The following GRXCR1 variants were observed in gnomAD, a reference collection of about 807,000 sequenced individuals.
GRXCR1 encodes glutaredoxin domain-containing cysteine-rich protein 1.
A neutral mutation model predicts 27.3 loss-of-function variants in GRXCR1; 27 were observed. The observed-to-expected ratio is 0.99, with a 90% confidence interval of 0.73 to 1.37. GRXCR1 has a LOEUF of 1.37. Ranked by LOEUF, GRXCR1 falls within the 40% of genes most tolerant of loss-of-function variation. The pLI, the probability that GRXCR1 is intolerant of heterozygous loss-of-function variation, is 0.00. For missense variants in GRXCR1, 379 were observed against 354.4 expected (o/e 1.07, Z -0.56); for synonymous variants, 122 against 131.1 (o/e 0.93, Z 0.47).
chr4:42,981,042 A>G (rs942607126), intron 2 of GRXCR1, among the ~76,000 whole-genome samples: 3 of 151,698 alleles, frequency 2.0e-5, no homozygotes, highest in Non-Finnish European at 4.4e-5. Flanking sequence ...TTATTGATAG[A>G]TAATACTACT....
intron 1 of GRXCR1, among the ~76,000 whole-genome samples, chr4:42,922,322 C>A (rs538408511): frequency 1.3e-5 from 2 of 152,172 alleles, no homozygotes; most frequent in East Asian, 1.9e-4. Context: ...GTCTGTCTCA[C>A]ACTAACCGTG....
intron 1 of GRXCR1, among the ~76,000 whole-genome samples, chr4:42,911,417 T>A (rs899832977): frequency 2.6e-5 from 4 of 152,002 alleles, no homozygotes; most frequent in African/African-American, 7.2e-5. Context: ...TCAGTAGAGA[T>A]AAGACACACA....
intron 2 of GRXCR1, among the ~76,000 whole-genome samples, chr4:43,010,229 C>A (rs1047266064): frequency 2.0e-5 from 3 of 152,024 alleles, no homozygotes; most frequent in Admixed American, 6.6e-5. Flanking sequence ...TGGTGAAACC[C>A]TGCCTCTACT....
intron 1 of GRXCR1, among the ~76,000 whole-genome samples, chr4:42,941,798 G>T (rs181120445): frequency 2.7e-4 from 41 of 152,066 alleles, no homozygotes; most frequent in African/African-American, 8.9e-4. Flanking sequence ...CTTATGATAC[G>T]TATCAATGAG....
intron 1 of GRXCR1, among the ~76,000 whole-genome samples, chr4:42,901,953 C>T (rs1003684064): frequency 1.3e-5 from 2 of 152,162 alleles, no homozygotes; most frequent in East Asian, 3.9e-4. Context: ...CTCTTAGATA[C>T]CTTTCCTGTG....
intron 1 of GRXCR1, among the ~76,000 whole-genome samples, chr4:42,934,221 A>G (rs1747400643): frequency 7.4e-6 from 1 of 134,246 alleles, no homozygotes; most frequent in South Asian, 2.5e-4. Context: ...TATAACTGTT[A>G]TATGTGTATG....
intron 2 of GRXCR1, among the ~76,000 whole-genome samples, chr4:43,013,654 T>TA (rs1049720879): frequency 1.2e-4 from 19 of 152,038 alleles, no homozygotes; most frequent in African/African-American, 4.1e-4. Context: ...ACAAAAAAAG[T>TA]AAAAAATAAA....
At chr4:42,919,729 G>A (rs901951577) in intron 1 of GRXCR1, among the ~76,000 whole-genome samples, 5 of 152,192 alleles carry the variant, frequency 3.3e-5, no homozygotes, top group Admixed American at 6.5e-5. Context: ...TCCAGGAAAT[G>A]TGTTACATGC....
At chr4:42,973,589 CTT>C (rs771770232) in intron 2 of GRXCR1, among the ~76,000 whole-genome samples, 13 of 151,932 alleles carry the variant, frequency 8.6e-5, no homozygotes, top group South Asian at 2.1e-4. Context: ...ACTCAGTTTT[CTT>C]TGACTCCACC....
intron 2 of GRXCR1, among the ~76,000 whole-genome samples, chr4:43,007,774 C>T (rs924574609): frequency 6.6e-6 from 1 of 152,200 alleles, no homozygotes; most frequent in Non-Finnish European, 1.5e-5. Context: ...TTAGTAGCTA[C>T]ATGCTTTAGC....
At chr4:42,896,993 C>T (rs1244429049) in intron 1 of GRXCR1, among the ~76,000 whole-genome samples, 2 of 152,074 alleles carry the variant, frequency 1.3e-5, no homozygotes. Flanking sequence ...CTTTTTAATA[C>T]TCTTTAAGAA....
chr4:42,960,068 A>G lies in GRXCR1; in HGVS notation c.385-2824A>G, dbSNP rs534947306. Among the ~76,000 whole-genome samples the G allele has an allele frequency of 2.6e-5, 4 of 152,094 alleles. No individual in the cohort carries two copies. In the East Asian group the frequency reaches 7.8e-4, roughly 29 times the overall value. ...CATCTTATTAGTATTTTGAAAATGC[A>G]TGTGTCTTAGAGACACAGAAAGGTG... On this transcript the variant is annotated intron_variant, in intron 1 of 3. Coordinates refer to ENST00000399770, the MANE Select transcript of GRXCR1 (RefSeq NM_001080476.3).
At chr4:42,943,198 A>G (rs1747663065) in intron 1 of GRXCR1, among the ~76,000 whole-genome samples, 1 of 152,156 alleles carries the variant, frequency 6.6e-6, no homozygotes, top group Non-Finnish European at 1.5e-5. Flanking sequence ...TAAATTTTCA[A>G]TAACATGGGA....
Position 42,893,555 on chromosome 4 carries a change from G to C in GRXCR1, c.289G>C (p.Val97Leu). 6.2e-7 allele frequency: 1 copy of C among 1,613,822 alleles called. No individual in the cohort carries two copies. The highest frequency in any genetic ancestry group is 8.5e-7 in the Non-Finnish European group (1 of 1,179,826). The part of the protein sequence containing the change: ...ASEKGFGTRR[V>L]NILSKNGTVR... Reference sequence around the variant, plus strand: ...TGAGAAGGGTTTTGGTACAAGAAGAGTCAACATTTTAAGCAAAAATGGCAC... The same window carrying C: ...TGAGAAGGGTTTTGGTACAAGAAGACTCAACATTTTAAGCAAAAATGGCAC... The change falls in exon 1 of 4, where the codon GTC becomes CTC. Residue 97 changes from valine (V) to leucine (L), a missense_variant. Transcript: ENST00000399770.
chr4:42,977,809 A>G (rs183149056), intron 2 of GRXCR1, among the ~76,000 whole-genome samples: 2 of 152,120 alleles, frequency 1.3e-5, no homozygotes, highest in Admixed American at 1.3e-4. Flanking sequence ...TATTAATTCA[A>G]TGTAACACCA....
chr4:42,905,535 T>G (rs536854425), intron 1 of GRXCR1, among the ~76,000 whole-genome samples: 1 of 152,250 alleles, frequency 6.6e-6, no homozygotes, highest in East Asian at 1.9e-4. Flanking sequence ...TGTTGCTGAG[T>G]TTTTTTCGTG....
At chr4:43,027,562 G>C (rs2109810961) in intron 3 of GRXCR1, among the ~76,000 whole-genome samples, 1 of 152,310 alleles carries the variant, frequency 6.6e-6, no homozygotes, top group South Asian at 2.1e-4. Context: ...TGTGTGCTCA[G>C]AGCCTGGTGT....
chr4:42,960,867 G>A (rs1393070132), intron 1 of GRXCR1, among the ~76,000 whole-genome samples: 1 of 151,702 alleles, frequency 6.6e-6, no homozygotes, highest in Non-Finnish European at 1.5e-5. Flanking sequence ...TAAGTTCTGG[G>A]GAACATGTGC....
chr4:42,976,133 G>T (rs1748513274), intron 2 of GRXCR1, among the ~76,000 whole-genome samples: 1 of 151,974 alleles, frequency 6.6e-6, no homozygotes, highest in Non-Finnish European at 1.5e-5. Context: ...CAGGTCCATT[G>T]TTTAATGATT....
Sources: gnomAD v4.1 joint callset for allele counts (sites outside exome capture counted in the v4.1 genomes callset) on GRCh38, gnomAD v4.1.1 for gene constraint, MANE v1.5 for transcripts, NCBI Gene and HGNC (gene_info 2026-07-23, HGNC 2026-07-21) for gene names.